OR2V2: variants seen among roughly 807,000 people sequenced by gnomAD.
OR2V2 encodes olfactory receptor 2V2.
For synonymous variants in OR2V2, 161 were observed against 151.3 expected, an observed-to-expected ratio of 1.06 and a Z score of -0.47; for missense variants, 392 against 392.2, an observed-to-expected ratio of 1.00 and a Z score of 0.00.
rs976465229 is a variant in OR2V2, at chr5:181,158,652, T to C, written c.*2762T>C. The C allele has an allele frequency of 6.6e-6, 1 of 151,786 alleles. No individual in the cohort carries two copies. Among genetic ancestry groups the C allele is most frequent in the East Asian group, 1.9e-4 (1 of 5,174 alleles). 9.4% of individuals were successfully genotyped at this position (151,786 alleles called of 1,614,324 possible). A position where few individuals can be genotyped will look rare whatever the true frequency, so the allele number is the denominator to read the frequency against. ...GAAAATAAATAAGTAAATAAATAAA[T>C]AAACAAAAAATAAAAAGAAAACATG... On this transcript the variant is annotated 3_prime_UTR_variant, in exon 2 of 2. Coordinates refer to ENST00000641492, the MANE Select transcript of OR2V2 (RefSeq NM_206880.2).
At chr5:181,149,655 G>T (rs577903234) in intron 1 of OR2V2, among the ~76,000 whole-genome samples, 8 of 152,274 alleles carry the variant, frequency 5.3e-5, no homozygotes, top group African/African-American at 1.9e-4. Flanking sequence ...TCTTCCTTCC[G>T]CGGAGGACAC....
In OR2V2 at chr5:181,155,361, G is replaced by C; in HGVS notation, c.419G>C (p.Arg140Thr). 6.2e-7 allele frequency: 1 copy of C among 1,614,146 alleles called. No homozygotes were observed. Among genetic ancestry groups the C allele is most frequent in the Non-Finnish European group, 8.5e-7 (1 of 1,180,018 alleles). Residue 140 changes from arginine to threonine, a missense_variant, in exon 2 of 2, where the codon AGG becomes ACG. By Grantham distance (71) the Arg-to-Thr change is moderately conservative. Transcript: ENST00000641492. ...PLHYPILMNQRVCLQITGSSW... is the reference protein window; with the variant it reads ...PLHYPILMNQTVCLQITGSSW... ...CACTATCCCATCCTCATGAATCAGA[G>C]GGTCTGTCTCCAGATTACTGGGAGC...
rs1333396791 is a variant in OR2V2, at chr5:181,157,921, G to A, written c.*2031G>A. 2.6e-5 allele frequency: 4 copies of A among 152,172 alleles called. No individual in the cohort carries two copies. Among genetic ancestry groups the A allele is most frequent in the African/African-American group, 9.7e-5 (4 of 41,436 alleles). 9.4% of individuals were successfully genotyped at this position (152,172 alleles called of 1,614,324 possible). On this transcript the variant is annotated 3_prime_UTR_variant, in exon 2 of 2. Coordinates refer to ENST00000641492, the MANE Select transcript of OR2V2 (RefSeq NM_206880.2). ...CCCCTAGACTGGAAGAAAATTTAGA[G>A]CAAACTTAATCCAGCCCCCTTCCGT...
At position 181,155,741 on chromosome 5, in the gene OR2V2, C is replaced by T. The variant is rs747848875; in HGVS notation, c.799C>T (p.Arg267Trp). Residue 267 changes from arginine (R) to tryptophan (W), a missense_variant, in exon 2 of 2, where the codon CGG becomes TGG. By Grantham distance (101) the Arg-to-Trp change is moderately radical (BLOSUM62 -3). Transcript: ENST00000641492. ...CATCTACCTGAGGCCTAGGCACTAC[C>T]GGGCCCCCAGCCATGACAAGGTGGC... The part of the protein sequence containing the change: ...MFIYLRPRHY[R>W]APSHDKVASI... 94 of 1,614,070 alleles carry T rather than the reference C, an allele frequency of 5.8e-5. 1 individual carries two copies. In the Middle Eastern group the frequency reaches 4.4e-3, roughly 76 times the overall value.
In OR2V2 at chr5:181,155,875, C is replaced by T. The variant is rs528614420; in HGVS notation, c.933C>T (p.Ile311=). Residue 311 remains isoleucine (I), a synonymous_variant, in exon 2 of 2, where the codon ATC becomes ATT. Coordinates refer to ENST00000641492, the MANE Select transcript of OR2V2 (RefSeq NM_206880.2). ...ALRKGLDRCR[I]GSQH ...GGAAGGGGCTGGACCGCTGCAGGAT[C>T]GGCAGCCAGCACTGAACCCAGGGCA... 87 of 1,612,766 alleles carry T rather than the reference C, an allele frequency of 5.4e-5. 1 individual carries two copies. Among genetic ancestry groups the T allele is most frequent in the Non-Finnish European group, 6.7e-5 (79 of 1,179,104 alleles).
intron 1 of OR2V2, 26 bp downstream of exon 1, chr5:181,148,021 C>T (rs1763145533): frequency 5.0e-6 from 2 of 398,858 alleles, no homozygotes; most frequent in Non-Finnish European, 8.8e-6. Context: ...GTCCTGTCGT[C>T]CCCTCTCTCT....
chr5:181,152,023 G>C (rs1050998528), intron 1 of OR2V2, among the ~76,000 whole-genome samples: 4 of 150,894 alleles, frequency 2.7e-5, no homozygotes, highest in Admixed American at 2.6e-4. Flanking sequence ...GGGTTTATCC[G>C]TCTATCTCCG....
In OR2V2 at chr5:181,154,398, C is replaced by G. The variant is rs563727476; in HGVS notation, c.-24-521C>G. ...AGGTCAGGAGATCGAGAGCATCCTG[C>G]CTAACACGGTGAAACCCCGTCTCTA... On this transcript the variant is annotated intron_variant, in intron 1 of 1. Coordinates refer to ENST00000641492, the MANE Select transcript of OR2V2 (RefSeq NM_206880.2). Among the ~76,000 whole-genome samples the G allele has an allele frequency of 1.1e-4, 17 of 152,098 alleles. No homozygotes were observed. In the East Asian group the frequency reaches 2.3e-3, roughly 21 times the overall value.
Position 181,155,429 on chromosome 5 carries a change from G to A in OR2V2, c.487G>A (p.Val163Ile). ...AATCGATGGCTTGATCCAGATGGTGGTAGTAATGAATTTCCCCTACTGTGG... is the reference window on the plus strand; with the variant it reads ...AATCGATGGCTTGATCCAGATGGTGATAGTAATGAATTTCCCCTACTGTGG... ...GIIDGLIQMV[V>I]VMNFPYCGLR... Residue 163 changes from valine (V) to isoleucine (I), a missense_variant, in exon 2 of 2, where the codon GTA (valine) becomes ATA (isoleucine). Coordinates refer to ENST00000641492, the MANE Select transcript of OR2V2 (RefSeq NM_206880.2). The A allele has an allele frequency of 6.2e-7, 1 of 1,614,208 alleles. No individual in the cohort carries two copies. Among genetic ancestry groups the A allele is most frequent in the Non-Finnish European group, 8.5e-7 (1 of 1,180,044 alleles).
Position 181,148,127 on chromosome 5 carries a change from G to A in OR2V2, c.-25+132G>A, listed in dbSNP as rs1763147626. 1.0e-5 allele frequency: 4 copies of A among 393,844 alleles called. No homozygotes were observed. In the East Asian group the frequency reaches 1.4e-4, roughly 14 times the overall value. 24.4% of individuals were successfully genotyped at this position (393,844 alleles called of 1,614,324 possible). ...TCCTACTGTCTGCCTCCATCAGGGTGTAATTGTTTGGATTTTTGGGGGGGC... is the reference window on the plus strand; with the variant it reads ...TCCTACTGTCTGCCTCCATCAGGGTATAATTGTTTGGATTTTTGGGGGGGC... On this transcript the variant is annotated intron_variant, in intron 1 of 1. Coordinates refer to ENST00000641492, the MANE Select transcript of OR2V2 (RefSeq NM_206880.2).
intron 1 of OR2V2, among the ~76,000 whole-genome samples, chr5:181,148,452 G>C (rs1763153137): frequency 6.6e-6 from 1 of 152,086 alleles, no homozygotes; most frequent in Admixed American, 6.5e-5. Flanking sequence ...GTGGTTTCTA[G>C]GAAAAAAAGT....
chr5:181,152,492 C>T (rs995641168), intron 1 of OR2V2, among the ~76,000 whole-genome samples: 2 of 152,158 alleles, frequency 1.3e-5, no homozygotes, highest in South Asian at 2.1e-4. Context: ...ATGCAGCTCT[C>T]GTTACAGGTG....
intron 1 of OR2V2, among the ~76,000 whole-genome samples, chr5:181,148,546 G>A (rs1403897609): frequency 1.3e-5 from 2 of 152,276 alleles, no homozygotes; most frequent in Non-Finnish European, 2.9e-5. Flanking sequence ...AATAAATTCA[G>A]TTGTATTTCA....
rs1763276038 is a variant in OR2V2 at position 181,157,148 on chromosome 5, A to C, written c.*1258A>C. ...GCTCTGTACCTGTCCTATTTGCAGT[A>C]AAATTCTCTTTTCATGGAAAAAAAA... is the stretch of plus-strand genomic sequence containing the variant. On this transcript the variant is annotated 3_prime_UTR_variant, in exon 2 of 2. Transcript: ENST00000641492. 1 of 152,292 alleles carries C rather than the reference A, an allele frequency of 6.6e-6. No homozygotes were observed. Among genetic ancestry groups the C allele is most frequent in the African/African-American group, 2.4e-5 (1 of 41,472 alleles). 9.4% of individuals were successfully genotyped at this position (152,292 alleles called of 1,614,324 possible).
At position 181,156,122 on chromosome 5, in the gene OR2V2, T is replaced by C; in HGVS notation, c.*232T>C. 2.3e-6 allele frequency: 1 copy of C among 439,858 alleles called. No homozygotes were observed. The allele number at this position is 439,858 out of a possible 1,614,324, so 27.2% of individuals were successfully genotyped here. On this transcript the variant is annotated 3_prime_UTR_variant, in exon 2 of 2. Transcript: ENST00000641492. ...TCTCTTCCTCTTTCTCTTTCTTTCTTTTTCTTTCAGTTCTTACTCTGTCAC... is the reference window on the plus strand; with the variant it reads ...TCTCTTCCTCTTTCTCTTTCTTTCTCTTTCTTTCAGTTCTTACTCTGTCAC...
chr5:181,151,125 A>G (rs1763186275), intron 1 of OR2V2, among the ~76,000 whole-genome samples: 1 of 152,046 alleles, frequency 6.6e-6, no homozygotes, highest in Admixed American at 6.6e-5. Context: ...GACCTGAAGG[A>G]GGGTGTAGAC....
chr5:181,151,332 G>A (rs544229908), intron 1 of OR2V2, among the ~76,000 whole-genome samples: 1 of 152,314 alleles, frequency 6.6e-6, no homozygotes, highest in Non-Finnish European at 1.5e-5. Context: ...GAGTGTGTTG[G>A]GAGCCAGTGG....
chr5:181,149,019 G>A (rs1321423349), intron 1 of OR2V2, among the ~76,000 whole-genome samples: 1 of 152,254 alleles, frequency 6.6e-6, no homozygotes, highest in Non-Finnish European at 1.5e-5. Context: ...GGTGATGACG[G>A]ATGGCCTGCG....
rs552604308 is a variant in OR2V2, at chr5:181,156,175, C to T, written c.*285C>T. ...AGGCTAGAGTGCAGTGACACAATCT[C>T]GGCTTATAGCAGCCTTGATCTCCTG... On this transcript the variant is annotated 3_prime_UTR_variant, in exon 2 of 2. Transcript: ENST00000641492. 2.6e-5 allele frequency: 9 copies of T among 341,964 alleles called. No individual in the cohort carries two copies. The highest frequency in any genetic ancestry group is 8.4e-5 in the African/African-American group (4 of 47,774). The allele number at this position is 341,964 out of a possible 1,614,324, so 21.2% of individuals were successfully genotyped here.
Sources: gnomAD v4.1 joint callset for allele counts (sites outside exome capture counted in the v4.1 genomes callset) on GRCh38, gnomAD v4.1.1 for gene constraint, MANE v1.5 for transcripts, NCBI Gene and HGNC (gene_info 2026-07-23, HGNC 2026-07-21) for gene names.